CNTNAP2: variants seen among roughly 807,000 people sequenced by gnomAD.
CNTNAP2 encodes the protein contactin associated protein 2.
Under a neutral mutation model 155.2 loss-of-function variants are expected in CNTNAP2, and 98 were observed. That is an observed-to-expected ratio of 0.63 (90% CI 0.54 to 0.75). The LOEUF is 0.75. Among genes scored for constraint, CNTNAP2 ranks in the 30% least tolerant of loss-of-function variants. CNTNAP2 has a pLI of 0.00. For synonymous variants in CNTNAP2, 651 were observed against 631.2 expected (o/e 1.03, Z -0.47); for missense variants, 1,727 against 1,688.1 (o/e 1.02, Z -0.40).
chr7:147,290,852 A>T (rs1270166064), intron 8 of CNTNAP2, among the ~76,000 whole-genome samples: 2 of 152,210 alleles, frequency 1.3e-5, no homozygotes, highest in East Asian at 3.9e-4. Flanking sequence ...ATGAGTCTTT[A>T]AATGACCATG....
chr7:146,339,658 C>A (rs1229179483), intron 1 of CNTNAP2, among the ~76,000 whole-genome samples: 1 of 152,018 alleles, frequency 6.6e-6, no homozygotes, highest in Non-Finnish European at 1.5e-5. Flanking sequence ...GAGCTACTGG[C>A]AGATAACTTA....
At chr7:147,521,126 GC>G (rs1286929333) in intron 11 of CNTNAP2, among the ~76,000 whole-genome samples, 1 of 152,100 alleles carries the variant, frequency 6.6e-6, no homozygotes, top group African/African-American at 2.4e-5. Flanking sequence ...GCCTTTCCTG[GC>G]TAATTTTCCA....
chr7:146,138,454 A>C (rs925157779), intron 1 of CNTNAP2, among the ~76,000 whole-genome samples: 37 of 152,160 alleles, frequency 2.4e-4, no homozygotes, highest in Non-Finnish European at 5.1e-4. Flanking sequence ...TTTCAATATT[A>C]CTACTGAATT....
At chr7:147,121,272 C>A (rs576953501) in intron 6 of CNTNAP2, 109 bp downstream of exon 6, 3 of 1,079,032 alleles carry the variant, frequency 2.8e-6, no homozygotes, top group Non-Finnish European at 4.0e-6. Context: ...TTTTTATTTT[C>A]TTCTCTAAAC....
chr7:147,496,171 T>C (rs139866855), intron 11 of CNTNAP2, among the ~76,000 whole-genome samples: 17 of 147,628 alleles, frequency 1.2e-4, no homozygotes, highest in East Asian at 2.1e-4. Context: ...GTCATAATAA[T>C]AGAAATAAAT....
chr7:147,420,022 G>T (rs1326656540), intron 10 of CNTNAP2, among the ~76,000 whole-genome samples: 1 of 151,988 alleles, frequency 6.6e-6, no homozygotes, highest in Non-Finnish European at 1.5e-5. Flanking sequence ...AGACACACAG[G>T]GCCACGAGTT....
intron 1 of CNTNAP2, among the ~76,000 whole-genome samples, chr7:146,139,668 CAGTT>C (rs1344173479): frequency 2.0e-5 from 3 of 151,812 alleles, no homozygotes; most frequent in African/African-American, 2.4e-5. Flanking sequence ...TTCATTCAGT[CAGTT>C]ATTTTAAAAA....
At chr7:146,881,355 G>C (rs1040366278) in intron 3 of CNTNAP2, among the ~76,000 whole-genome samples, 3 of 152,050 alleles carry the variant, frequency 2.0e-5, no homozygotes, top group African/African-American at 7.2e-5. Flanking sequence ...TAAAATTGTG[G>C]GATTTATTAG....
chr7:146,543,192 G>A (rs1316869872), intron 1 of CNTNAP2, among the ~76,000 whole-genome samples: 1 of 151,636 alleles, frequency 6.6e-6, no homozygotes, highest in African/African-American at 2.4e-5. Context: ...ATTTAAATAA[G>A]TAAATAATTT....
chr7:147,303,961 A>G (rs1479758792), intron 9 of CNTNAP2, among the ~76,000 whole-genome samples: 5 of 152,178 alleles, frequency 3.3e-5, no homozygotes, highest in Admixed American at 2.0e-4. Flanking sequence ...GCTCACTGAA[A>G]GCCTCAAGTA....
At chr7:147,490,821 C>T (rs770207543) in intron 11 of CNTNAP2, among the ~76,000 whole-genome samples, 3 of 152,146 alleles carry the variant, frequency 2.0e-5, no homozygotes, top group Non-Finnish European at 2.9e-5. Context: ...GGGGAGGCCT[C>T]AGGAAACTTA....
intron 1 of CNTNAP2, among the ~76,000 whole-genome samples, chr7:146,175,501 G>C (rs7789463): frequency 6.6e-6 from 1 of 152,092 alleles, no homozygotes; most frequent in Non-Finnish European, 1.5e-5. Flanking sequence ...CAGTATGATG[G>C]GCAAAGATGT....
Position 148,165,011 on chromosome 7 carries a change from G to A in CNTNAP2, c.2774-7231G>A, listed in dbSNP as rs566250683. 3.3e-5 allele frequency among the ~76,000 whole-genome samples: 5 copies of A among 152,226 alleles called. No homozygotes were observed. In the South Asian group the frequency reaches 1.0e-3, roughly 32 times the overall value. On this transcript the variant is annotated intron_variant, in intron 17 of 23. Transcript: ENST00000361727. ...GAGGGACCCCAAGGTCACTTTCTCA[G>A]GGAGGTCTAGATCAGCCCGAGCCTG...
chr7:147,581,466 G>C (rs1412624379), intron 12 of CNTNAP2, among the ~76,000 whole-genome samples: 1 of 152,164 alleles, frequency 6.6e-6, no homozygotes, highest in Non-Finnish European at 1.5e-5. Context: ...CATTGCTTTG[G>C]ACAATGTCAG....
At chr7:147,381,914 T>C (rs1287572262) in intron 9 of CNTNAP2, among the ~76,000 whole-genome samples, 1 of 152,010 alleles carries the variant, frequency 6.6e-6, no homozygotes, top group East Asian at 1.9e-4. Flanking sequence ...ATATAGTTAT[T>C]ATAAATATCC....
At chr7:147,839,397 AAAG>A (rs905955851) in intron 13 of CNTNAP2, among the ~76,000 whole-genome samples, 2 of 152,292 alleles carry the variant, frequency 1.3e-5, no homozygotes, top group Admixed American at 6.5e-5. Context: ...TAGAAGAGAA[AAAG>A]AAGATAACAA....
intron 1 of CNTNAP2, among the ~76,000 whole-genome samples, chr7:146,611,888 C>A (rs1168158171): frequency 2.0e-5 from 3 of 152,152 alleles, no homozygotes; most frequent in Non-Finnish European, 4.4e-5. Context: ...AGAAAGTCTT[C>A]TTTTGCAAAA....
chr7:146,128,302 C>T (rs1797667063), intron 1 of CNTNAP2, among the ~76,000 whole-genome samples: 1 of 152,144 alleles, frequency 6.6e-6, no homozygotes, highest in Non-Finnish European at 1.5e-5. Flanking sequence ...GCCCAAATAC[C>T]TCTGTGCTGT....
intron 8 of CNTNAP2, among the ~76,000 whole-genome samples, chr7:147,171,723 T>A (rs2116477766): frequency 6.6e-6 from 1 of 152,308 alleles, no homozygotes; most frequent in African/African-American, 2.4e-5. Flanking sequence ...TAAATTACCT[T>A]ATATATTTAA....
Sources: allele counts gnomAD v4.1 joint callset (sites outside exome capture counted in the v4.1 genomes callset), GRCh38; gene constraint gnomAD v4.1.1; transcripts MANE v1.5; gene names NCBI Gene and HGNC (gene_info 2026-07-23, HGNC 2026-07-21).